SYCP2L: variants seen among roughly 807,000 people sequenced by gnomAD.
SYCP2L encodes the protein synaptonemal complex protein 2 like.
A neutral mutation model predicts 125.8 loss-of-function variants in SYCP2L; 98 were observed. The observed-to-expected ratio is 0.78, with a 90% CI of 0.66 to 0.92. The LOEUF is 0.92. Ranked by LOEUF, SYCP2L falls within the 40% of genes least tolerant of loss-of-function variation. The pLI is 0.00. For missense variants in SYCP2L, 842 were observed against 936.4 expected (o/e 0.90, Z 1.32); for synonymous variants, 317 against 325.4 (o/e 0.97, Z 0.28).
At chr6:10,909,444 A>C (rs1428584694) in intron 10 of SYCP2L, among the ~76,000 whole-genome samples, 3 of 152,132 alleles carry the variant, frequency 2.0e-5, no homozygotes, top group Admixed American at 6.5e-5. Context: ...GCTTTTTTGC[A>C]TGAAAGGCTT....
intron 18 of SYCP2L, chr6:10,930,081 C>T (rs192346039): frequency 4.6e-6 from 1 of 216,488 alleles, no homozygotes; most frequent in African/African-American, 2.3e-5. Flanking sequence ...GTATTAGGCA[C>T]AATATTGAGA....
chr6:10,962,846 G>A lies in SYCP2L; in HGVS notation c.2415-936G>A, dbSNP rs1378343893. On this transcript the variant is annotated intron_variant, in intron 28 of 29. Coordinates refer to ENST00000283141, the MANE Select transcript of SYCP2L (RefSeq NM_001040274.3). ...TCTGTTGTGAGTCATGTAGCCTATG[G>A]GAAATTCCCCTGGACATTTTTGAGG... 1.9e-4 allele frequency among the ~76,000 whole-genome samples: 29 copies of A among 152,036 alleles called. 1 individual carries two copies. Among genetic ancestry groups the A allele is most frequent in the Admixed American group, 1.9e-3 (29 of 15,244 alleles).
intron 23 of SYCP2L, among the ~76,000 whole-genome samples, chr6:10,945,618 A>C (rs925544350): frequency 3.9e-5 from 6 of 152,078 alleles, no homozygotes; most frequent in African/African-American, 7.2e-5. Context: ...AAAAATACAA[A>C]AATTAACCAG....
At chr6:10,961,235 G>A in intron 26 of SYCP2L, 70 bp from the exon 27 acceptor site, 1 of 1,210,410 alleles carries the variant, frequency 8.3e-7, no homozygotes, top group Non-Finnish European at 1.2e-6. Flanking sequence ...GTAATCAGAT[G>A]ACTTATTAAG....
chr6:10,930,468 A>G lies in SYCP2L; in HGVS notation c.1587A>G (p.Lys529=), dbSNP rs747041252. ...GTAACCAGAAAAAGAAATCCCTAAA[A>G]TCATATTCCAGTAGAAAGAAGACAA... ...WTSNQKKKSL[K]SYSSRKKTRT... is the part of the protein sequence containing the mutation. The change falls in exon 19 of 30, where the codon AAA becomes AAG. Residue 529 remains lysine (K), a synonymous_variant. Transcript: ENST00000283141. 2.5e-6 allele frequency: 4 copies of G among 1,613,320 alleles called. No homozygotes were observed. The African/African-American group carries it at 5.3e-5, about 22-fold the overall frequency.
chr6:10,920,468 C>T (rs1451390068), intron 14 of SYCP2L, among the ~76,000 whole-genome samples: 1 of 152,192 alleles, frequency 6.6e-6, no homozygotes, highest in African/African-American at 2.4e-5. Flanking sequence ...CCAACAGCCT[C>T]GCCCTCCCAA....
chr6:10,966,967 T>C (rs1052923933), intron 29 of SYCP2L, among the ~76,000 whole-genome samples: 3 of 151,838 alleles, frequency 2.0e-5, no homozygotes, highest in Non-Finnish European at 4.4e-5. Context: ...TGAACAATTT[T>C]CTAGATGAAT....
chr6:10,939,540 ATAACAT>A (rs1365498561), intron 21 of SYCP2L, among the ~76,000 whole-genome samples: 2 of 152,230 alleles, frequency 1.3e-5, no homozygotes, highest in Non-Finnish European at 2.9e-5. Flanking sequence ...ATAGGCCAAG[ATAACAT>A]TATGGGCCCA....
At chr6:10,902,604 C>T (rs1334054865) in intron 6 of SYCP2L, 73 bp from the exon 7 acceptor site, 6 of 1,279,128 alleles carry the variant, frequency 4.7e-6, no homozygotes, top group Non-Finnish European at 6.7e-6. Context: ...TAGTGAAAAG[C>T]TCTGACCGTG....
At chr6:10,955,007 C>G (rs763982414) in intron 23 of SYCP2L, 109 bp from the exon 24 acceptor site, 8 of 738,516 alleles carry the variant, frequency 1.1e-5, no homozygotes, top group Non-Finnish European at 1.9e-5. Flanking sequence ...TCATTAGCAA[C>G]AGGCAGGGGA....
At chr6:10,919,158 C>G (rs1780743430) in intron 14 of SYCP2L, among the ~76,000 whole-genome samples, 1 of 152,068 alleles carries the variant, frequency 6.6e-6, no homozygotes, top group South Asian at 2.1e-4. Flanking sequence ...CTTATTTTGT[C>G]ATAGTACTAG....
chr6:10,896,027 G>A (rs146032423), intron 4 of SYCP2L, among the ~76,000 whole-genome samples: 64 of 152,266 alleles, frequency 4.2e-4, no homozygotes, highest in African/African-American at 1.4e-3. Flanking sequence ...GGTGGCACAT[G>A]CCTGTAATCC....
At chr6:10,917,640 T>C (rs944498146) in intron 14 of SYCP2L, among the ~76,000 whole-genome samples, 8 of 152,216 alleles carry the variant, frequency 5.3e-5, no homozygotes, top group African/African-American at 1.9e-4. Context: ...CCATTTACAT[T>C]CAATGTTAGT....
intron 1 of SYCP2L, among the ~76,000 whole-genome samples, chr6:10,889,420 G>T (rs1780137303): frequency 6.6e-6 from 1 of 152,094 alleles, no homozygotes; most frequent in African/African-American, 2.4e-5. Context: ...TTTGTGTTGG[G>T]AATGTTCAAA....
rs150364456 is a variant in SYCP2L at position 10,906,370 on chromosome 6, T to G, written c.676+316T>G. Among the ~76,000 whole-genome samples, 1,122 of 152,214 alleles carry G rather than the reference T, an allele frequency of 7.4e-3. 5 individuals carry two copies. The highest frequency in any genetic ancestry group is 0.041 in the Middle Eastern group (12 of 294). ...GTCCATGTTCCTCATCCCATTTCCC[T>G]CTCCTTGACTCAGATTTGTTTTTCG... is the stretch of plus-strand genomic sequence containing the variant. On this transcript the variant is annotated intron_variant, in intron 9 of 29. Coordinates refer to ENST00000283141, the MANE Select transcript of SYCP2L (RefSeq NM_001040274.3).
At chr6:10,906,830 C>T (rs1780504595) in intron 9 of SYCP2L, among the ~76,000 whole-genome samples, 2 of 151,820 alleles carry the variant, frequency 1.3e-5, no homozygotes, top group South Asian at 4.2e-4. Context: ...AACTCCTGAC[C>T]TCCGGTGATC....
intron 14 of SYCP2L, among the ~76,000 whole-genome samples, chr6:10,916,109 AT>A (rs1780688712): frequency 6.6e-6 from 1 of 152,146 alleles, no homozygotes; most frequent in African/African-American, 2.4e-5. Flanking sequence ...TATGTGTGTA[AT>A]GGTGTTCATA....
intron 10 of SYCP2L, among the ~76,000 whole-genome samples, chr6:10,908,247 T>G (rs1484268424): frequency 1.3e-5 from 2 of 151,920 alleles, no homozygotes; most frequent in African/African-American, 4.8e-5. Context: ...AAAAAAAAAG[T>G]CTTGGAAGGG....
chr6:10,956,056 C>T (rs970097686), intron 24 of SYCP2L, 80 bp from the exon 25 acceptor site: 4 of 1,173,782 alleles, frequency 3.4e-6, no homozygotes, highest in Non-Finnish European at 4.9e-6. Flanking sequence ...ATAACTCATC[C>T]TCTGGGCAAC....
Sources: allele counts gnomAD v4.1 joint callset (sites outside exome capture counted in the v4.1 genomes callset), GRCh38; gene constraint gnomAD v4.1.1; transcripts MANE v1.5; gene names NCBI Gene and HGNC (gene_info 2026-07-23, HGNC 2026-07-21).